Variants in CEMIP2 observed in about 807,000 individuals in gnomAD.
The protein encoded by CEMIP2 is cell migration inducing hyaluronidase 2.
A neutral mutation model predicts 146.9 loss-of-function variants in CEMIP2; 79 were observed. The ratio of observed to expected loss-of-function variants is 0.54; its 90% CI spans 0.45 to 0.65. CEMIP2 has a LOEUF of 0.65. Ranked by LOEUF, CEMIP2 falls within the 30% of genes least tolerant of loss-of-function variation. The pLI is 0.00. For synonymous variants in CEMIP2, 601 were observed against 606.3 expected, an observed-to-expected ratio of 0.99 and a Z score of 0.13; for missense variants, 1,596 against 1,696.2, an observed-to-expected ratio of 0.94 and a Z score of 1.04.
At chr9:71,755,186 CTTTTT>C (rs34989743) in intron 1 of CEMIP2, among the ~76,000 whole-genome samples, 2 of 127,816 alleles carry the variant, frequency 1.6e-5, no homozygotes, top group Non-Finnish European at 1.7e-5. Context: ...GGAAATCATG[CTTTTT>C]TTTTTTTTTT....
intron 4 of CEMIP2, among the ~76,000 whole-genome samples, chr9:71,741,612 TA>T (rs1461446441): frequency 0.051 from 7,466 of 145,284 alleles, 389 homozygotes; most frequent in South Asian, 0.14. Flanking sequence ...AAAACACCAT[TA>T]TTTCTTTTTC....
At chr9:71,722,666 AAAC>A in intron 11 of CEMIP2, 151 bp from the exon 12 acceptor site, 1 of 576,024 alleles carries the variant, frequency 1.7e-6, no homozygotes, top group Non-Finnish European at 3.0e-6. Flanking sequence ...AAAAAAAAAA[AAAC>A]AGCTACTTTC....
At chr9:71,748,144 C>A (rs1395065910) in intron 2 of CEMIP2, among the ~76,000 whole-genome samples, 1 of 152,092 alleles carries the variant, frequency 6.6e-6, no homozygotes, top group Non-Finnish European at 1.5e-5. Flanking sequence ...AGATCTGGAG[C>A]CTACTTCAAT....
chr9:71,728,251 G>GTATATATATATA (rs1156285845), intron 10 of CEMIP2, among the ~76,000 whole-genome samples: 5 of 14,286 alleles, frequency 3.5e-4, no homozygotes, highest in Non-Finnish European at 5.1e-4. Context: ...ATATATATAT[G>GTATATATATATA]TATATACACG....
intron 18 of CEMIP2, among the ~76,000 whole-genome samples, chr9:71,703,338 G>C (rs867025363): frequency 2.6e-5 from 4 of 152,182 alleles, no homozygotes; most frequent in African/African-American, 9.7e-5. Flanking sequence ...GGGGCACAGA[G>C]GGCCGCAGCA....
At chr9:71,766,274 T>C (rs1224170971) in intron 1 of CEMIP2, among the ~76,000 whole-genome samples, 2 of 152,036 alleles carry the variant, frequency 1.3e-5, no homozygotes, top group Non-Finnish European at 2.9e-5. Context: ...GGTTTTACCA[T>C]GTTGGCCAGG....
intron 18 of CEMIP2, 102 bp from the exon 19 acceptor site, chr9:71,700,926 A>G: frequency 9.5e-7 from 1 of 1,054,290 alleles, no homozygotes; most frequent in African/African-American, 1.6e-5. Flanking sequence ...CACTTCTTCC[A>G]CTTCCTGCCC....
intron 5 of CEMIP2, among the ~76,000 whole-genome samples, chr9:71,735,493 T>C (rs976563517): frequency 6.6e-6 from 1 of 152,078 alleles, no homozygotes; most frequent in Non-Finnish European, 1.5e-5. Context: ...ATATTAAGAA[T>C]AAGAATTTGT....
chr9:71,729,952 A>G (rs1245883994), intron 9 of CEMIP2, 38 bp from the exon 10 acceptor site: 2 of 1,613,476 alleles, frequency 1.2e-6, no homozygotes, highest in Non-Finnish European at 1.7e-6. Flanking sequence ...AACATTCTTC[A>G]TAAAAACTCC....
rs1419694574 is a variant in CEMIP2, at chr9:71,704,789, T to A, written c.3000A>T (p.Thr1000=). ...TCATAGAAAGATTCTGAGTGCTCCA[T>A]GTCTGTACATAGACCTTGAAAAAAT... ...SGTYAQVYVQ[T]WSTQNLSMTI... is the part of the protein sequence containing the mutation. Residue 1000 remains threonine (T), a synonymous_variant, in exon 18 of 24, where the codon ACA becomes ACT. Coordinates refer to ENST00000377044, the MANE Select transcript of CEMIP2 (RefSeq NM_013390.3). The A allele has an allele frequency of 3.1e-6, 5 of 1,614,130 alleles. No homozygotes were observed. The South Asian group carries it at 5.5e-5, about 18-fold the overall frequency.
At position 71,750,180 on chromosome 9, in the gene CEMIP2, T is replaced by A. The variant is rs1249183323; in HGVS notation, c.194A>T (p.Glu65Val). 9.3e-6 allele frequency: 15 copies of A among 1,614,180 alleles called. No individual in the cohort carries two copies. In the East Asian group the frequency reaches 2.7e-4, roughly 29 times the overall value. ...EDRATFAFSP[E>V]EQQAQRESQK... ...ACTTTCTCTCTGGGCTTGCTGTTCT[T>A]CAGGTGAGAATGCGAAGGTTGCCCG... The change falls in exon 2 of 24, where the codon GAA (glutamate) becomes GTA (valine). Residue 65 changes from glutamate (E) to valine (V), a missense_variant. By Grantham distance (121) the Glu-to-Val change is moderately radical. Coordinates refer to ENST00000377044, the MANE Select transcript of CEMIP2 (RefSeq NM_013390.3).
intron 22 of CEMIP2, chr9:71,686,126 G>A (rs1589121610): frequency 6.5e-6 from 2 of 307,690 alleles, no homozygotes; most frequent in East Asian, 6.3e-5. Flanking sequence ...GGCCATGGAT[G>A]GGTACCAGTA....
intron 12 of CEMIP2, among the ~76,000 whole-genome samples, chr9:71,719,032 T>C (rs1472728234): frequency 6.6e-6 from 1 of 152,154 alleles, no homozygotes; most frequent in African/African-American, 2.4e-5. Context: ...AACGGCCCCA[T>C]GATGCTCAAA....
intron 1 of CEMIP2, among the ~76,000 whole-genome samples, chr9:71,758,938 C>G (rs1004244253): frequency 6.6e-6 from 1 of 152,188 alleles, no homozygotes; most frequent in African/African-American, 2.4e-5. Context: ...CTTCAACTCT[C>G]AAAAATCAGT....
At position 71,732,445 on chromosome 9, in the gene CEMIP2, C is replaced by T. The variant is rs772803934; in HGVS notation, c.1469G>A (p.Arg490Gln). 53 of 1,613,802 alleles carry T rather than the reference C, an allele frequency of 3.3e-5. No homozygotes were observed. The highest frequency in any genetic ancestry group is 3.3e-4 in the Middle Eastern group (2 of 6,084). ...DMRAEVGILT[R>Q]NIVIQGEVED... Reference sequence around the variant, plus strand: ...CACTTCTCCTTGGATCACAATATTCCGGGTAAGAATTCCAACCTCAGCTCT... The same window carrying T: ...CACTTCTCCTTGGATCACAATATTCTGGGTAAGAATTCCAACCTCAGCTCT... Residue 490 changes from arginine (R) to glutamine (Q), a missense_variant, in exon 7 of 24, where the codon CGG becomes CAG. Arg to Gln is a conservative substitution (Grantham distance 43, BLOSUM62 1). Transcript: ENST00000377044.
Position 71,714,931 on chromosome 9 carries a change from T to C in CEMIP2, c.2591+3A>G. 2 of 1,612,266 alleles carry C rather than the reference T, an allele frequency of 1.2e-6. No individual in the cohort carries two copies. Among genetic ancestry groups the C allele is most frequent in the Non-Finnish European group, 1.7e-6 (2 of 1,179,382 alleles). On this transcript the variant is annotated splice_donor_region_variant and intron_variant, in intron 15 of 23. Coordinates refer to ENST00000377044, the MANE Select transcript of CEMIP2 (RefSeq NM_013390.3). ...AACACTCCACAGCTAAAGCAATGCT[T>C]ACCTGTTCCTGGGTAATGTTCGAGG...
In CEMIP2 at chr9:71,725,037, C is replaced by T. The variant is rs62547004; in HGVS notation, c.2178+544G>A. On this transcript the variant is annotated intron_variant, in intron 11 of 23. Transcript: ENST00000377044. ...TGTATGTGTTGCACATACCTGTATG[C>T]GCAATAGGTATGTATAAATGGAATG... Among the ~76,000 whole-genome samples the T allele has an allele frequency of 1.3e-3, 197 of 152,150 alleles. 1 individual carries two copies. Among genetic ancestry groups the T allele is most frequent in the African/African-American group, 3.6e-3 (151 of 41,508 alleles).
chr9:71,769,166 G>C (rs1824897402), upstream of CEMIP2, among the ~76,000 whole-genome samples: 1 of 152,194 alleles, frequency 6.6e-6, no homozygotes, highest in African/African-American at 2.4e-5. Context: ...GGCCGAACCG[G>C]AGCCTGTGCC....
intron 1 of CEMIP2, among the ~76,000 whole-genome samples, chr9:71,750,596 C>A (rs538423051): frequency 6.7e-6 from 1 of 149,178 alleles, no homozygotes; most frequent in South Asian, 2.2e-4. Flanking sequence ...CATGCACCAC[C>A]ACGCCCAGCT....
Sources: allele counts gnomAD v4.1 joint callset (sites outside exome capture counted in the v4.1 genomes callset), GRCh38; gene constraint gnomAD v4.1.1; transcripts MANE v1.5; gene names NCBI Gene and HGNC (gene_info 2026-07-23, HGNC 2026-07-21).